GRID2: variants seen among roughly 807,000 people sequenced by gnomAD.
GRID2 encodes glutamate ionotropic receptor delta type subunit 2, also known as glutamate receptor ionotropic, delta-2.
In GRID2, 33 loss-of-function variants were observed where a neutral mutation model predicts 114.8. That is an observed-to-expected ratio of 0.29 (90% CI 0.22 to 0.38). GRID2 has a LOEUF of 0.38. Among genes scored for constraint, GRID2 ranks in the 10% least tolerant of loss-of-function variants. GRID2 has a pLI of 1.00. For missense variants in GRID2, 1,184 were observed against 1,257.7 expected, an observed-to-expected ratio of 0.94 and a Z score of 0.89; for synonymous variants, 505 against 449.9, an observed-to-expected ratio of 1.12 and a Z score of -1.55.
At chr4:92,979,067 C>T (rs1289469307) in intron 2 of GRID2, among the ~76,000 whole-genome samples, 1 of 151,920 alleles carries the variant, frequency 6.6e-6, no homozygotes, top group Non-Finnish European at 1.5e-5. Flanking sequence ...TATACTCGTG[C>T]TGTCCGACAT....
At chr4:92,478,947 T>C (rs2149102751) in intron 1 of GRID2, among the ~76,000 whole-genome samples, 1 of 152,266 alleles carries the variant, frequency 6.6e-6, no homozygotes, top group South Asian at 2.1e-4. Flanking sequence ...ACATCTCCAA[T>C]GATTTCTCAG....
At chr4:92,681,821 A>T (rs2149284923) in intron 2 of GRID2, among the ~76,000 whole-genome samples, 1 of 152,294 alleles carries the variant, frequency 6.6e-6, no homozygotes, top group East Asian at 1.9e-4. Flanking sequence ...ATGTATATTC[A>T]GAATGTGGAA....
At chr4:92,991,837 T>A (rs1754923670) in intron 2 of GRID2, among the ~76,000 whole-genome samples, 1 of 152,340 alleles carries the variant, frequency 6.6e-6, no homozygotes, top group South Asian at 2.1e-4. Flanking sequence ...AATGACATTT[T>A]GAAATTTACT....
intron 14 of GRID2, among the ~76,000 whole-genome samples, chr4:93,767,964 G>C (rs951462742): frequency 3.9e-5 from 6 of 152,108 alleles, no homozygotes; most frequent in African/African-American, 1.4e-4. Context: ...CCCCTGGGAG[G>C]CCAGGTTTAA....
At chr4:92,849,643 C>A (rs1743609958) in intron 2 of GRID2, among the ~76,000 whole-genome samples, 1 of 151,872 alleles carries the variant, frequency 6.6e-6, no homozygotes, top group Admixed American at 6.6e-5. Context: ...AACATCTTTT[C>A]TTTTAGCTTA....
At chr4:93,246,609 A>G (rs979095137) in intron 8 of GRID2, among the ~76,000 whole-genome samples, 2 of 151,724 alleles carry the variant, frequency 1.3e-5, no homozygotes, top group African/African-American at 4.8e-5. Context: ...AGAAAAAAAG[A>G]AAAGAAAATA....
intron 1 of GRID2, among the ~76,000 whole-genome samples, chr4:92,582,588 CTAAT>C (rs1728233140): frequency 6.6e-6 from 1 of 151,666 alleles, no homozygotes; most frequent in South Asian, 2.1e-4. Flanking sequence ...AAAAATATGC[CTAAT>C]TAATAAAATT....
At chr4:92,685,641 A>G (rs1024299358) in intron 2 of GRID2, among the ~76,000 whole-genome samples, 4 of 152,086 alleles carry the variant, frequency 2.6e-5, no homozygotes, top group African/African-American at 9.6e-5. Flanking sequence ...ATTAAATGAC[A>G]GTACACTCAT....
intron 2 of GRID2, among the ~76,000 whole-genome samples, chr4:92,639,735 C>T (rs547588723): frequency 2.0e-5 from 3 of 151,564 alleles, no homozygotes; most frequent in African/African-American, 7.3e-5. Flanking sequence ...CTGACTTCAC[C>T]ACTATGTAAT....
At chr4:92,439,987 G>T (rs1732955591) in intron 1 of GRID2, among the ~76,000 whole-genome samples, 1 of 144,914 alleles carries the variant, frequency 6.9e-6, no homozygotes, top group South Asian at 2.4e-4. Context: ...TTTTTTGGGG[G>T]CACAGTCTAA....
intron 7 of GRID2, among the ~76,000 whole-genome samples, chr4:93,234,082 A>G (rs565561496): frequency 7.9e-5 from 12 of 152,250 alleles, no homozygotes; most frequent in East Asian, 7.7e-4. Flanking sequence ...TTAGGAAAAC[A>G]TAATCTGGCT....
Position 92,919,593 on chromosome 4 carries a change from C to G in GRID2, c.245-165402C>G, listed in dbSNP as rs192187428. ...TTTCAAAGAACATCTTTATTTCTGC[C>G]TTCATTTTGTTATGTACCCAGTAGT... On this transcript the variant is annotated intron_variant, in intron 2 of 15. Transcript: ENST00000282020. Among the ~76,000 whole-genome samples, 13 of 152,176 alleles carry G rather than the reference C, an allele frequency of 8.5e-5. No individual in the cohort carries two copies. The East Asian group carries it at 2.1e-3, about 25-fold the overall frequency.
At chr4:93,278,549 C>A (rs1381632815) in intron 8 of GRID2, among the ~76,000 whole-genome samples, 1 of 151,872 alleles carries the variant, frequency 6.6e-6, no homozygotes, top group Non-Finnish European at 1.5e-5. Flanking sequence ...ATGGACAGAA[C>A]AAAGCATCCC....
At chr4:93,245,416 C>T (rs763217591) in intron 8 of GRID2, among the ~76,000 whole-genome samples, 3 of 152,078 alleles carry the variant, frequency 2.0e-5, no homozygotes, top group African/African-American at 4.8e-5. Flanking sequence ...GGCACTTGAT[C>T]ACCAAAAGTA....
chr4:93,616,788 C>T (rs535389610), intron 13 of GRID2, among the ~76,000 whole-genome samples: 3 of 151,528 alleles, frequency 2.0e-5, no homozygotes, highest in East Asian at 3.9e-4. Context: ...GTGAGGCGAT[C>T]GAGACCATCC....
At chr4:93,727,291 T>C (rs988306131) in intron 14 of GRID2, among the ~76,000 whole-genome samples, 7 of 152,204 alleles carry the variant, frequency 4.6e-5, no homozygotes, top group African/African-American at 1.7e-4. Context: ...ATTACATTTA[T>C]TGATTTGCGT....
At chr4:93,474,488 C>T (rs1235832061) in intron 11 of GRID2, among the ~76,000 whole-genome samples, 2 of 152,096 alleles carry the variant, frequency 1.3e-5, no homozygotes, top group Admixed American at 6.6e-5. Context: ...GTCTTATAGA[C>T]AAACTCTTAT....
chr4:93,160,289 T>G (rs576939621), intron 4 of GRID2, among the ~76,000 whole-genome samples: 1 of 151,696 alleles, frequency 6.6e-6, no homozygotes, highest in African/African-American at 2.4e-5. Context: ...ATAGATAAGG[T>G]AATATCATTG....
intron 8 of GRID2, among the ~76,000 whole-genome samples, chr4:93,239,852 A>G (rs1343653247): frequency 6.6e-6 from 1 of 151,630 alleles, no homozygotes. Flanking sequence ...ACCTGTGTTT[A>G]CATCCTTATA....
Sources: gnomAD v4.1 joint callset for allele counts (sites outside exome capture counted in the v4.1 genomes callset) on GRCh38, gnomAD v4.1.1 for gene constraint, MANE v1.5 for transcripts, NCBI Gene and HGNC (gene_info 2026-07-23, HGNC 2026-07-21) for gene names.